Variants in GLMN observed in about 807,000 individuals in gnomAD.
The protein encoded by GLMN is glomulin.
In GLMN, 75 loss-of-function variants were observed where a neutral mutation model predicts 87.8. That is an observed-to-expected ratio of 0.85 (90% confidence interval 0.71 to 1.04). The LOEUF is 1.04. Among genes scored for constraint, GLMN ranks in the 50% least tolerant of loss-of-function variants. The pLI is 0.00. For synonymous variants in GLMN, 206 were observed against 221.6 expected (o/e 0.93, Z 0.63); for missense variants, 588 against 658.8 (o/e 0.89, Z 1.18).
the GLMN span, among the ~76,000 whole-genome samples, chr1:92,370,205 T>C: frequency 2.0e-5 from 3 of 152,080 alleles, no homozygotes; most frequent in Admixed American, 6.6e-5. Context: ...TATATTTCTG[T>C]GGGGTTGGAC....
chr1:92,271,567 A>T lies in GLMN; in HGVS notation c.821T>A (p.Phe274Tyr), dbSNP rs1014248435. ...TAACTGTTTATTTTCTTCTTCTTCA[A>T]ATTCAAGGTAATTCCAAGTTCTCTT... ...RKKRTWNYLE[F>Y]EEEENKQLAD... Residue 274 changes from phenylalanine to tyrosine, a missense_variant, in exon 8 of 19, where the codon TTT becomes TAT. Transcript: ENST00000370360. 3.1e-6 allele frequency: 5 copies of T among 1,611,344 alleles called. No individual in the cohort carries two copies. In the South Asian group the frequency reaches 4.4e-5, roughly 14 times the overall value.
At chr1:92,316,413 T>C in the GLMN span, among the ~76,000 whole-genome samples, 3 of 152,234 alleles carry the variant, frequency 2.0e-5, no homozygotes, top group Non-Finnish European at 4.4e-5. Flanking sequence ...CTGCTGCTTC[T>C]GTTGGTTTAC....
the GLMN span, among the ~76,000 whole-genome samples, chr1:92,344,222 C>A: frequency 6.6e-6 from 1 of 152,094 alleles, no homozygotes; most frequent in Non-Finnish European, 1.5e-5. Flanking sequence ...TCAGCCTGGG[C>A]AACATAGTGA....
At chr1:92,358,404 C>T in the GLMN span, among the ~76,000 whole-genome samples, 1 of 151,948 alleles carries the variant, frequency 6.6e-6, no homozygotes, top group East Asian at 1.9e-4. Context: ...AGTGTTTCCT[C>T]CTCACGAAAC....
intron 7 of GLMN, among the ~76,000 whole-genome samples, chr1:92,281,052 T>C (rs1460123726): frequency 6.6e-6 from 1 of 152,172 alleles, no homozygotes; most frequent in Non-Finnish European, 1.5e-5. Context: ...CTTCAGGATA[T>C]TATCCAGGAG....
At chr1:92,266,639 A>G (rs1655672191) in intron 12 of GLMN, 61 bp downstream of exon 12, 1 of 1,316,100 alleles carries the variant, frequency 7.6e-7, no homozygotes, top group Non-Finnish European at 1.1e-6. Flanking sequence ...AGAAAATTAA[A>G]TTATTTGTCA....
At chr1:92,266,384 C>G in intron 13 of GLMN, 35 bp downstream of exon 13, 1 of 1,081,376 alleles carries the variant, frequency 9.2e-7, no homozygotes. Flanking sequence ...TTTAATCAAC[C>G]ACACACTTAG....
Position 92,247,084 on chromosome 1 carries a change from A to G in GLMN, c.1646T>C (p.Met549Thr), listed in dbSNP as rs1182475274. ...ITVSGEEIPN[M>T]PPEMQLKVLH... Reference sequence around the variant, plus strand: ...CACCTTAAGCTGCATTTCAGGAGGCATATTAGGGATCTCTTCTCCACTTAC... The same window carrying G: ...CACCTTAAGCTGCATTTCAGGAGGCGTATTAGGGATCTCTTCTCCACTTAC... The change falls in exon 18 of 19, where the codon ATG (methionine) becomes ACG (threonine). Residue 549 changes from methionine to threonine, a missense_variant. Coordinates refer to ENST00000370360, the MANE Select transcript of GLMN (RefSeq NM_053274.3). 3 of 1,556,440 alleles carry G rather than the reference A, an allele frequency of 1.9e-6. No homozygotes were observed. Among genetic ancestry groups the G allele is most frequent in the Non-Finnish European group, 2.7e-6 (3 of 1,128,356 alleles).
Position 92,289,053 on chromosome 1 carries a change from G to T in GLMN, c.493C>A (p.Gln165Lys). 1.2e-6 allele frequency: 2 copies of T among 1,610,720 alleles called. No homozygotes were observed. The highest frequency in any genetic ancestry group is 1.7e-6 in the Non-Finnish European group (2 of 1,176,966). The change falls in exon 6 of 19, where the codon CAA (glutamine) becomes AAA (lysine). Residue 165 changes from glutamine to lysine, a missense_variant. Coordinates refer to ENST00000370360, the MANE Select transcript of GLMN (RefSeq NM_053274.3). The stretch of plus-strand genomic sequence containing the variant: ...AGGCCATAGTCATCCATTTGTATTT[G>T]TTCTTTTGAGTATGGAACAGGAAGA... ...SLLPVPYSKEQIQMDDYGLCQ... is the reference protein window; with the variant it reads ...SLLPVPYSKEKIQMDDYGLCQ...
chr1:92,291,382 T>A (rs1649384020), intron 4 of GLMN, 36 bp downstream of exon 4: 2 of 1,496,682 alleles, frequency 1.3e-6, no homozygotes, highest in Non-Finnish European at 1.9e-6. Context: ...TACTGCTGTG[T>A]GTTATGATAA....
the GLMN span, among the ~76,000 whole-genome samples, chr1:92,338,484 T>C: frequency 6.6e-6 from 1 of 152,176 alleles, no homozygotes; most frequent in African/African-American, 2.4e-5. Context: ...AAAAAGTATT[T>C]AACAACTGTC....
At chr1:92,322,602 C>T in the GLMN span, among the ~76,000 whole-genome samples, 4 of 151,678 alleles carry the variant, frequency 2.6e-5, no homozygotes, top group South Asian at 2.1e-4. Flanking sequence ...CAGCCGGGCA[C>T]GGTGGCTCAC....
the GLMN span, among the ~76,000 whole-genome samples, chr1:92,305,050 G>A: frequency 3.9e-5 from 6 of 151,990 alleles, no homozygotes; most frequent in African/African-American, 1.2e-4. Context: ...CACATGCATC[G>A]CATGAACCTG....
chr1:92,291,831 T>C (rs1175762735), intron 3 of GLMN, among the ~76,000 whole-genome samples: 1 of 152,218 alleles, frequency 6.6e-6, no homozygotes, highest in African/African-American at 2.4e-5. Context: ...AAGAGTTAAT[T>C]TGCTTAATAC....
chr1:92,263,380 T>C (rs1400319407), intron 15 of GLMN, among the ~76,000 whole-genome samples: 1 of 152,228 alleles, frequency 6.6e-6, no homozygotes, highest in African/African-American at 2.4e-5. Context: ...TTCTATGGAA[T>C]GCTGGGTACA....
chr1:92,335,858 A>G, the GLMN span, among the ~76,000 whole-genome samples: 44 of 152,264 alleles, frequency 2.9e-4, no homozygotes, highest in Non-Finnish European at 4.3e-4. Flanking sequence ...TCATCTGATT[A>G]TTTCCTTAGA....
At chr1:92,323,951 C>A in the GLMN span, 1 of 1,614,122 alleles carries the variant, frequency 6.2e-7, no homozygotes, top group Non-Finnish European at 8.5e-7. Flanking sequence ...TTTGCCAAAT[C>A]AAACCAAGTG....
chr1:92,301,378 A>T, upstream of GLMN: 1 of 472,204 alleles, frequency 2.1e-6, no homozygotes, highest in Non-Finnish European at 3.7e-6. Context: ...TTTAAATTTA[A>T]GTGGCAAAAT....
chr1:92,345,735 TA>T, the GLMN span: 22 of 644,396 alleles, frequency 3.4e-5, no homozygotes, highest in Non-Finnish European at 4.5e-5. Context: ...ACAAGTATTT[TA>T]AAAAAAAGTG....
Sources: gnomAD v4.1 joint callset for allele counts (sites outside exome capture counted in the v4.1 genomes callset) on GRCh38, gnomAD v4.1.1 for gene constraint, MANE v1.5 for transcripts, NCBI Gene and HGNC (gene_info 2026-07-23, HGNC 2026-07-21) for gene names.